The following FBLN5 variants were observed in gnomAD, a reference collection of about 807,000 sequenced individuals.
FBLN5 encodes fibulin-5.
Under a neutral mutation model 61.6 loss-of-function variants are expected in FBLN5, and 24 were observed. The ratio of observed to expected loss-of-function variants is 0.39; its 90% CI spans 0.28 to 0.55. The LOEUF is 0.55. Among genes scored for constraint, FBLN5 ranks in the 20% least tolerant of loss-of-function variants. The pLI is 0.65. For missense variants in FBLN5, 470 were observed against 594.1 expected (o/e 0.79, Z 2.17); for synonymous variants, 213 against 219.8 (o/e 0.97, Z 0.27).
At chr14:91,889,255 G>A (rs913816138) in intron 6 of FBLN5, among the ~76,000 whole-genome samples, 3 of 152,190 alleles carry the variant, frequency 2.0e-5, no homozygotes, top group Admixed American at 6.5e-5. Flanking sequence ...CAAGTGTTAG[G>A]GCTGGTGGCC....
intron 1 of FBLN5, among the ~76,000 whole-genome samples, chr14:91,946,336 G>T (rs1047495439): frequency 9.9e-5 from 15 of 152,106 alleles, no homozygotes; most frequent in Admixed American, 1.3e-4. Flanking sequence ...AGAATAGCTG[G>T]GGGGAGGCAG....
intron 4 of FBLN5, among the ~76,000 whole-genome samples, chr14:91,920,771 G>A (rs997342458): frequency 6.6e-6 from 1 of 152,120 alleles, no homozygotes; most frequent in Non-Finnish European, 1.5e-5. Flanking sequence ...ATTGCCTGTG[G>A]CCCCCAATGG....
intron 4 of FBLN5, among the ~76,000 whole-genome samples, chr14:91,919,929 C>T (rs936961478): frequency 1.8e-4 from 27 of 152,146 alleles, no homozygotes; most frequent in Admixed American, 1.5e-3. Context: ...TGTGGGCTTT[C>T]CCCCTGGCCC....
At chr14:91,942,175 C>T (rs967758321) in intron 2 of FBLN5, 12 of 455,944 alleles carry the variant, frequency 2.6e-5, no homozygotes, top group African/African-American at 1.4e-4. Context: ...TCCATCTCTC[C>T]TGTTGCTTAA....
At chr14:91,944,759 G>T (rs1046350466) in intron 1 of FBLN5, among the ~76,000 whole-genome samples, 1 of 152,210 alleles carries the variant, frequency 6.6e-6, no homozygotes, top group Non-Finnish European at 1.5e-5. Flanking sequence ...CGAAATTACA[G>T]AGACAAAAAG....
At chr14:91,935,488 C>G (rs2055999014) in intron 4 of FBLN5, among the ~76,000 whole-genome samples, 1 of 152,226 alleles carries the variant, frequency 6.6e-6, no homozygotes, top group Non-Finnish European at 1.5e-5. Flanking sequence ...CACGTGACAT[C>G]CTGGAAGAGC....
chr14:91,913,544 C>A (rs1891052234), intron 4 of FBLN5, among the ~76,000 whole-genome samples: 1 of 152,130 alleles, frequency 6.6e-6, no homozygotes, highest in South Asian at 2.1e-4. Context: ...GCATAGAAGA[C>A]AATTTTGAGG....
chr14:91,904,320 A>G (rs1254889283), intron 4 of FBLN5, among the ~76,000 whole-genome samples: 1 of 152,140 alleles, frequency 6.6e-6, no homozygotes, highest in East Asian at 1.9e-4. Flanking sequence ...CAAGTCCACC[A>G]TCTACCTTAT....
chr14:91,918,294 G>A (rs766141666), intron 4 of FBLN5, among the ~76,000 whole-genome samples: 4 of 152,362 alleles, frequency 2.6e-5, no homozygotes, highest in Middle Eastern at 3.4e-3. Flanking sequence ...GCTTTCTGGA[G>A]TGTGTGGCTC....
chr14:91,872,773 G>A (rs1342198186), intron 10 of FBLN5, among the ~76,000 whole-genome samples: 1 of 152,182 alleles, frequency 6.6e-6, no homozygotes, highest in East Asian at 1.9e-4. Context: ...TACGAAACCT[G>A]AGCCCTGGGC....
intron 10 of FBLN5, among the ~76,000 whole-genome samples, chr14:91,872,779 T>C (rs1338001178): frequency 1.3e-5 from 2 of 152,164 alleles, no homozygotes; most frequent in Non-Finnish European, 2.9e-5. Context: ...ACCTGAGCCC[T>C]GGGCCAGGGC....
At position 91,922,000 on chromosome 14, in the gene FBLN5, A is replaced by T. The variant is rs117777390; in HGVS notation, c.379+14947T>A. Among the ~76,000 whole-genome samples the T allele has an allele frequency of 1.5e-4, 23 of 152,294 alleles. No homozygotes were observed. In the East Asian group the frequency reaches 4.4e-3, roughly 29 times the overall value. On this transcript the variant is annotated intron_variant, in intron 4 of 10. Coordinates refer to ENST00000342058, the MANE Select transcript of FBLN5 (RefSeq NM_006329.4). ...TGGGACAGTCATGGAGCCCTTCCAC[A>T]TATTCTCTAAAATGAAGGGGCAGAC...
chr14:91,880,409 G>C (rs574606713), intron 9 of FBLN5, among the ~76,000 whole-genome samples: 205 of 152,300 alleles, frequency 1.3e-3, no homozygotes, highest in Middle Eastern at 0.01. Flanking sequence ...TCATTAGAGG[G>C]AAGAGGAGAT....
chr14:91,905,158 C>G (rs1047632825), intron 4 of FBLN5, among the ~76,000 whole-genome samples: 1 of 152,168 alleles, frequency 6.6e-6, no homozygotes, highest in Non-Finnish European at 1.5e-5. Context: ...GAAATACGCA[C>G]GTGCACCCTT....
At chr14:91,917,751 A>C (rs1404211313) in intron 4 of FBLN5, among the ~76,000 whole-genome samples, 1 of 152,200 alleles carries the variant, frequency 6.6e-6, no homozygotes, top group East Asian at 1.9e-4. Context: ...ATGGAGACAC[A>C]GAGTCCTAAT....
chr14:91,946,777 A>G (rs767655362), intron 1 of FBLN5: 5 of 1,536,068 alleles, frequency 3.3e-6, no homozygotes, highest in South Asian at 1.2e-5. Context: ...CCACACAAAC[A>G]TAGAGCAAAT....
intron 4 of FBLN5, among the ~76,000 whole-genome samples, chr14:91,919,707 G>A (rs899075501): frequency 1.3e-5 from 2 of 152,214 alleles, no homozygotes; most frequent in Non-Finnish European, 2.9e-5. Context: ...ACAAAGTCAA[G>A]TAAAGGAAAG....
chr14:91,942,880 G>C, intron 2 of FBLN5, 27 bp downstream of exon 2: 1 of 1,438,290 alleles, frequency 7.0e-7, no homozygotes, highest in Non-Finnish European at 9.6e-7. Flanking sequence ...TACGCTTGTA[G>C]ATATTTTTTA....
intron 4 of FBLN5, among the ~76,000 whole-genome samples, chr14:91,932,549 C>G (rs1329977372): frequency 6.6e-6 from 1 of 152,162 alleles, no homozygotes; most frequent in Admixed American, 6.5e-5. Flanking sequence ...AGGGGATGCT[C>G]ATTTGCCTCC....
Sources: gnomAD v4.1 joint callset for allele counts (sites outside exome capture counted in the v4.1 genomes callset) on GRCh38, gnomAD v4.1.1 for gene constraint, MANE v1.5 for transcripts, NCBI Gene and HGNC (gene_info 2026-07-23, HGNC 2026-07-21) for gene names.